Variants in TEX9 observed in about 807,000 individuals in gnomAD.
The protein encoded by TEX9 is testis-expressed protein 9.
A neutral mutation model predicts 59.6 loss-of-function variants in TEX9; 74 were observed. The ratio of observed to expected loss-of-function variants is 1.24; its 90% CI spans 1.03 to 1.51. TEX9 has a LOEUF of 1.51. Among genes scored for constraint, TEX9 ranks in the 40% most tolerant of loss-of-function variants. TEX9 has a pLI of 0.00. For missense variants in TEX9, 522 were observed against 447.8 expected (o/e 1.17, Z -1.49); for synonymous variants, 186 against 152.2 (o/e 1.22, Z -1.64).
At chr15:56,459,009 CACATCTGTGTGT>C in the TEX9 span, among the ~76,000 whole-genome samples, 1 of 152,140 alleles carries the variant, frequency 6.6e-6, no homozygotes, top group African/African-American at 2.4e-5. Context: ...CTATATATAG[CACATCTGTGTGT>C]ACATTTGTGT....
chr15:56,429,647 G>GAGTT (rs1236551448), intron 12 of TEX9: 1 of 152,706 alleles, frequency 6.5e-6, no homozygotes, highest in East Asian at 1.9e-4. Context: ...TCCAGGTTTG[G>GAGTT]AGTTAAGCCA....
At chr15:56,326,400 T>C (rs1239793214) in intron 1 of TEX9, among the ~76,000 whole-genome samples, 1 of 152,198 alleles carries the variant, frequency 6.6e-6, no homozygotes, top group East Asian at 1.9e-4. Flanking sequence ...ATAAACTCAA[T>C]TTTTTCAATT....
intron 1 of TEX9, among the ~76,000 whole-genome samples, chr15:56,302,855 A>G (rs1260347720): frequency 6.6e-6 from 1 of 152,248 alleles, no homozygotes; most frequent in East Asian, 1.9e-4. Flanking sequence ...ATGAAAATAC[A>G]GGGATGGAAA....
At chr15:56,304,812 T>C (rs772771358) in intron 1 of TEX9, among the ~76,000 whole-genome samples, 1 of 152,160 alleles carries the variant, frequency 6.6e-6, no homozygotes, top group Non-Finnish European at 1.5e-5. Context: ...ATCCTCATAC[T>C]CCTGGGCTCA....
chr15:56,440,694 A>AT (rs2050802195), intron 12 of TEX9, among the ~76,000 whole-genome samples: 1 of 152,184 alleles, frequency 6.6e-6, no homozygotes, highest in South Asian at 2.1e-4. Flanking sequence ...ATTATGCTGA[A>AT]TAAAAAAAAG....
chr15:56,389,528 A>T, intron 6 of TEX9, 128 bp downstream of exon 6: 2 of 636,212 alleles, frequency 3.1e-6, no homozygotes, highest in Non-Finnish European at 5.4e-6. Flanking sequence ...GTTACACCAC[A>T]TATATCTTAT....
chr15:56,341,504 A>G (rs1187146216), intron 1 of TEX9, among the ~76,000 whole-genome samples: 3 of 152,160 alleles, frequency 2.0e-5, no homozygotes, highest in Non-Finnish European at 4.4e-5. Flanking sequence ...CTTCTACCCC[A>G]TACCTAATAC....
At chr15:56,443,785 C>G (rs370107961) in intron 12 of TEX9, 4 of 1,612,752 alleles carry the variant, frequency 2.5e-6, no homozygotes, top group Non-Finnish European at 2.5e-6. Context: ...TCCAGAGAGC[C>G]TGCTCTTTCT....
rs552331989 is a variant in TEX9 at position 56,338,177 on chromosome 15, T to G, written c.-106-35264T>G. Reference sequence around the variant, plus strand: ...TGGGAAGCATTTCCTCTCTGCAAACTAGAGCCTCTAGGCCTGCAGAGCCTG... The same window carrying G: ...TGGGAAGCATTTCCTCTCTGCAAACGAGAGCCTCTAGGCCTGCAGAGCCTG... On this transcript the variant is annotated intron_variant, in intron 1 of 5. Coordinates refer to the TEX9 transcript ENST00000560827. 5.3e-5 allele frequency among the ~76,000 whole-genome samples: 8 copies of G among 152,318 alleles called. 1 individual carries two copies. In the South Asian group the frequency reaches 1.5e-3, roughly 28 times the overall value.
At chr15:56,446,725 A>G (rs1784413293), downstream of TEX9, 1 of 709,114 alleles carries the variant, frequency 1.4e-6, no homozygotes. Flanking sequence ...ATTTACAAAT[A>G]TTTAAGAAAT....
chr15:56,323,508 A>G, intron 1 of TEX9: 1 of 197,624 alleles, frequency 5.1e-6, no homozygotes, highest in South Asian at 1.1e-4. Context: ...CACAAATGAC[A>G]AGCAGCCTTA....
intron 10 of TEX9, among the ~76,000 whole-genome samples, chr15:56,425,240 T>G (rs1402317777): frequency 3.9e-5 from 6 of 152,106 alleles, no homozygotes; most frequent in African/African-American, 1.2e-4. Flanking sequence ...CTACTTGGAG[T>G]TCATGGAGCT....
In TEX9 at chr15:56,305,968, T is replaced by C. The variant is rs368605533; in HGVS notation, c.-107+61690T>C. Among the ~76,000 whole-genome samples the C allele has an allele frequency of 2.6e-5, 4 of 152,082 alleles. No homozygotes were observed. In the South Asian group the frequency reaches 8.3e-4, roughly 32 times the overall value. ...TGATTTAAAAATGGGCAAAAGGAAA[T>C]GTCAACAGGCTTTTCTCAAAAGAAT... On this transcript the variant is annotated intron_variant, in intron 1 of 5. Coordinates refer to the TEX9 transcript ENST00000560827.
At chr15:56,389,277 T>G in intron 5 of TEX9, 41 bp from the exon 6 acceptor site, 1 of 1,498,196 alleles carries the variant, frequency 6.7e-7, no homozygotes, top group Non-Finnish European at 9.3e-7. Context: ...GGCAAATGAT[T>G]AGACTCTAAT....
intron 9 of TEX9, among the ~76,000 whole-genome samples, chr15:56,411,113 C>G (rs1406674210): frequency 2.0e-5 from 3 of 152,128 alleles, no homozygotes; most frequent in Non-Finnish European, 2.9e-5. Context: ...ATCATTTCAA[C>G]TCTATAATAT....
At chr15:56,271,931 G>A (rs188540153) in intron 1 of TEX9, among the ~76,000 whole-genome samples, 90 of 152,250 alleles carry the variant, frequency 5.9e-4, no homozygotes, top group Non-Finnish European at 8.2e-4. Flanking sequence ...ACGAGGTCAG[G>A]AGATCGAGAC....
At chr15:56,324,528 T>G (rs1384035203) in intron 1 of TEX9, among the ~76,000 whole-genome samples, 2 of 152,218 alleles carry the variant, frequency 1.3e-5, no homozygotes, top group East Asian at 3.8e-4. Flanking sequence ...CATACTGCAT[T>G]AGAAATTATT....
chr15:56,371,954 A>T (rs1248664248), intron 2 of TEX9, among the ~76,000 whole-genome samples: 2 of 152,136 alleles, frequency 1.3e-5, no homozygotes, highest in Non-Finnish European at 2.9e-5. Context: ...TCTAGCTTTT[A>T]AGCTATTTTG....
At chr15:56,300,787 C>G (rs1440124867) in intron 1 of TEX9, among the ~76,000 whole-genome samples, 1 of 150,632 alleles carries the variant, frequency 6.6e-6, no homozygotes, top group African/African-American at 2.5e-5. Flanking sequence ...GCAAAAGTCT[C>G]TACCTGGCCC....
Sources: allele counts gnomAD v4.1 joint callset (sites outside exome capture counted in the v4.1 genomes callset), GRCh38; gene constraint gnomAD v4.1.1; transcripts MANE v1.5; gene names NCBI Gene and HGNC (gene_info 2026-07-23, HGNC 2026-07-21).